Variants in PSPH observed in about 807,000 individuals in gnomAD.
PSPH encodes phosphoserine phosphatase.
A neutral mutation model predicts 23.4 loss-of-function variants in PSPH; 16 were observed. The observed-to-expected ratio is 0.68, with a 90% CI of 0.46 to 1.04. The LOEUF (loss-of-function observed/expected upper bound fraction) is 1.04, where lower values mean the gene tolerates loss of function less well. PSPH is among the 50% of genes least tolerant of loss of function. PSPH has a pLI of 0.00. For synonymous variants in PSPH, 68 were observed against 99.7 expected, an observed-to-expected ratio of 0.68 and a Z score of 1.89; for missense variants, 223 against 273.7, an observed-to-expected ratio of 0.81 and a Z score of 1.31.
chr7:56,031,009 A>G (rs1489694722), intron 3 of PSPH, among the ~76,000 whole-genome samples: 5 of 151,484 alleles, frequency 3.3e-5, no homozygotes, highest in African/African-American at 9.7e-5. Context: ...CAGGAGATCG[A>G]GACCATCCTG....
At chr7:56,017,107 T>A in intron 6 of PSPH, 127 bp downstream of exon 6, 1 of 1,501,686 alleles carries the variant, frequency 6.7e-7, no homozygotes, top group Non-Finnish European at 9.1e-7. Context: ...AGACATCAAT[T>A]AAGAGAACCA....
intron 1 of PSPH, among the ~76,000 whole-genome samples, chr7:56,045,995 C>T (rs1793189381): frequency 6.6e-6 from 1 of 151,898 alleles, no homozygotes; most frequent in African/African-American, 2.4e-5. Context: ...TGCATCAGTT[C>T]CCCTTTCCCT....
At chr7:56,048,792 T>TG (rs1793583533) in intron 1 of PSPH, among the ~76,000 whole-genome samples, 1 of 133,900 alleles carries the variant, frequency 7.5e-6, no homozygotes, top group African/African-American at 2.7e-5. Flanking sequence ...CCACCACACC[T>TG]GGCTTTTTTT....
chr7:56,040,294 A>T (rs1361051657), intron 1 of PSPH, among the ~76,000 whole-genome samples: 1 of 152,090 alleles, frequency 6.6e-6, no homozygotes, highest in African/African-American at 2.4e-5. Flanking sequence ...TGAACAAAGA[A>T]ATCTCTATGT....
intron 7 of PSPH, among the ~76,000 whole-genome samples, chr7:56,013,192 C>CACACACAT (rs1054564693): frequency 5.1e-5 from 7 of 137,804 alleles, no homozygotes; most frequent in Non-Finnish European, 9.4e-5. Context: ...CACACACACA[C>CACACACAT]ATATATATAG....
At chr7:56,029,108 C>G (rs976854774) in intron 3 of PSPH, among the ~76,000 whole-genome samples, 5 of 152,108 alleles carry the variant, frequency 3.3e-5, no homozygotes, top group Non-Finnish European at 1.5e-5. Flanking sequence ...AGCCACCAAG[C>G]CTGGCCAATT....
chr7:56,024,462 C>T (rs549687079), intron 3 of PSPH, among the ~76,000 whole-genome samples: 4 of 152,176 alleles, frequency 2.6e-5, no homozygotes. Context: ...ATTCAAATTT[C>T]AGGCTGGCTG....
intron 3 of PSPH, among the ~76,000 whole-genome samples, chr7:56,025,408 C>T (rs1790050834): frequency 6.6e-6 from 1 of 151,692 alleles, no homozygotes. Context: ...TACAGGCAGG[C>T]ATGATATCTG....
chr7:56,012,614 C>G (rs114289040), intron 7 of PSPH, among the ~76,000 whole-genome samples: 1,609 of 151,668 alleles, frequency 0.011, 31 homozygotes, highest in African/African-American at 0.036. Context: ...TATAAATTAT[C>G]TAAGCTAACA....
At chr7:56,015,297 C>A in intron 6 of PSPH, 126 bp from the exon 7 acceptor site, 1 of 1,049,246 alleles carries the variant, frequency 9.5e-7, no homozygotes, top group South Asian at 1.3e-5. Flanking sequence ...TCGGTAAAGT[C>A]ACACAGCCTG....
chr7:56,018,537 G>T (rs1451282952), intron 5 of PSPH, among the ~76,000 whole-genome samples: 1 of 152,122 alleles, frequency 6.6e-6, no homozygotes, highest in Non-Finnish European at 1.5e-5. Flanking sequence ...AAGACCACGT[G>T]TAAGTGCCAA....
At chr7:56,018,227 C>T (rs1642530183) in intron 5 of PSPH, among the ~76,000 whole-genome samples, 1 of 152,028 alleles carries the variant, frequency 6.6e-6, no homozygotes, top group African/African-American at 2.4e-5. Flanking sequence ...GCCTGTAATC[C>T]CAGCTACCTG....
chr7:56,031,280 G>C (rs536970009), intron 3 of PSPH, among the ~76,000 whole-genome samples: 3 of 152,204 alleles, frequency 2.0e-5, no homozygotes, highest in African/African-American at 7.2e-5. Context: ...AGAAGGCAGG[G>C]GAAGGAGGGC....
At chr7:56,046,798 C>CA (rs532617669) in intron 1 of PSPH, among the ~76,000 whole-genome samples, 19,673 of 67,816 alleles carry the variant, frequency 0.29, 1,962 homozygotes, top group Non-Finnish European at 0.32. Flanking sequence ...GACTCCACCT[C>CA]AAAAAAAAAA....
chr7:56,033,446 C>T (rs189911107), intron 2 of PSPH: 5 of 147,244 alleles, frequency 3.4e-5, no homozygotes, highest in African/African-American at 1.3e-4. Context: ...TGAAGTGAGC[C>T]GAGATCACAC....
intron 1 of PSPH, among the ~76,000 whole-genome samples, chr7:56,049,457 G>C (rs1052785152): frequency 6.6e-6 from 1 of 152,060 alleles, no homozygotes; most frequent in African/African-American, 2.4e-5. Context: ...TGTCGCCTGG[G>C]AGACAAGTCT....
chr7:56,031,183 A>T (rs1221712169), intron 3 of PSPH, among the ~76,000 whole-genome samples: 1 of 150,992 alleles, frequency 6.6e-6, no homozygotes, highest in African/African-American at 2.4e-5. Flanking sequence ...TGCAGTCCGC[A>T]GTCTGGCCTG....
chr7:56,031,135 C>G lies in PSPH; in HGVS notation c.-20+794G>C, dbSNP rs183815390. 3.8e-3 allele frequency among the ~76,000 whole-genome samples: 572 copies of G among 149,732 alleles called. 2 individuals carry two copies. The highest frequency in any genetic ancestry group is 0.013 in the African/African-American group (538 of 40,806). On this transcript the variant is annotated intron_variant, in intron 3 of 7. Transcript: ENST00000275605. ...CTGAGGCAGGAGAATGGCGTGAACC[C>G]GGGAAGCGGAGCTTGCAGTGAGCCG... is the stretch of plus-strand genomic sequence containing the variant.
intron 3 of PSPH, among the ~76,000 whole-genome samples, chr7:56,027,172 C>A (rs1349062520): frequency 1.3e-5 from 2 of 150,310 alleles, no homozygotes; most frequent in Non-Finnish European, 3.0e-5. Flanking sequence ...GCTATTGCAC[C>A]CCAGCCTGGG....
Sources: gnomAD v4.1 joint callset for allele counts (sites outside exome capture counted in the v4.1 genomes callset) on GRCh38, gnomAD v4.1.1 for gene constraint, MANE v1.5 for transcripts, NCBI Gene and HGNC (gene_info 2026-07-23, HGNC 2026-07-21) for gene names.